Variants in AUTS2 observed in about 807,000 individuals in gnomAD.
AUTS2 encodes activator of transcription and developmental regulator AUTS2, also known as autism susceptibility gene 2 protein.
A neutral mutation model predicts 112.4 loss-of-function variants in AUTS2; 17 were observed. The ratio of observed to expected loss-of-function variants is 0.15; its 90% CI spans 0.10 to 0.23. The LOEUF (loss-of-function observed/expected upper bound fraction) is 0.23. AUTS2 is among the 10% of genes least tolerant of loss of function. The probability of loss-of-function intolerance (pLI) is 1.00; values close to 1 mark genes in which losing one functional copy is unlikely to be tolerated. For synonymous variants in AUTS2, 751 were observed against 702.7 expected (o/e 1.07, Z -1.09); for missense variants, 1,510 against 1,701.6 (o/e 0.89, Z 1.98).
intron 5 of AUTS2, among the ~76,000 whole-genome samples, chr7:70,500,879 C>A (rs529227294): frequency 6.6e-6 from 1 of 152,134 alleles, no homozygotes; most frequent in Non-Finnish European, 1.5e-5. Context: ...TCCGCCACCA[C>A]GCCCAGTTGA....
chr7:69,599,738 G>C lies in AUTS2; in HGVS notation c.85G>C (p.Gly29Arg). ...QRDRERRSRGGLGAGAAGGGG... is the reference protein window; with the variant it reads ...QRDRERRSRGRLGAGAAGGGG... ...AGACCGGGAGAGGCGCTCCCGGGGC[G>C]GGCTGGGGGCCGGCGCGGCCGGCGG... is the stretch of plus-strand genomic sequence containing the variant. Residue 29 changes from glycine (G) to arginine (R), a missense_variant, in exon 1 of 19, where the codon GGG (glycine) becomes CGG (arginine). By Grantham distance (125) the Gly-to-Arg change is moderately radical. Coordinates refer to ENST00000342771, the MANE Select transcript of AUTS2 (RefSeq NM_015570.4). This position sits in a 1 kb window ranked among gnomAD's most constrained non-coding sequence, Gnocchi z 7.0. 1 of 1,331,358 alleles carries C rather than the reference G, an allele frequency of 7.5e-7. No individual in the cohort carries two copies. The highest frequency in any genetic ancestry group is 2.3e-5 in the South Asian group (1 of 42,912). 82.5% of individuals were successfully genotyped at this position (1,331,358 alleles called of 1,614,324 possible).
intron 2 of AUTS2, among the ~76,000 whole-genome samples, chr7:70,046,003 C>G (rs1801488025): frequency 6.6e-6 from 1 of 152,052 alleles, no homozygotes; most frequent in Non-Finnish European, 1.5e-5. Flanking sequence ...TGAGTACACT[C>G]AGTAAAACCT....
intron 2 of AUTS2, among the ~76,000 whole-genome samples, chr7:69,940,677 C>T (rs1468830323): frequency 1.3e-5 from 2 of 152,152 alleles, no homozygotes; most frequent in Non-Finnish European, 1.5e-5. Flanking sequence ...ACGTGTTTCT[C>T]ACTAGTGATG....
chr7:69,917,772 A>G (rs1285057279), intron 2 of AUTS2, among the ~76,000 whole-genome samples: 2 of 152,110 alleles, frequency 1.3e-5, no homozygotes, highest in African/African-American at 4.8e-5. Flanking sequence ...TTGGTTTTAC[A>G]TTCCTGAGTC....
rs1164356683 is a variant in AUTS2 at position 69,872,834 on chromosome 7, CTTTTTTTTTTTTT to C, written c.310-26438_310-26426del. Among the ~76,000 whole-genome samples the C allele has an allele frequency of 1.1e-3, 80 of 70,424 alleles. 3 individuals carry two copies. Among genetic ancestry groups the C allele is most frequent in the African/African-American group, 4.8e-3 (77 of 16,058 alleles). The allele number at this position is 70,424 out of a possible 152,430, so 46.2% of individuals were successfully genotyped here. Reference sequence around the variant, plus strand: ...GGTGGCACTTGATGTAGCCTATATTCTTTTTTTTTTTTTTTTTTTTTTTTTTGAGACAGAGTCT... The same window carrying C: ...GGTGGCACTTGATGTAGCCTATATTCTTTTTTTTTTTTTGAGACAGAGTCT... On this transcript the variant is annotated intron_variant, in intron 1 of 18. Transcript: ENST00000342771.
chr7:70,385,853 T>G (rs1299887518), intron 4 of AUTS2, among the ~76,000 whole-genome samples: 1 of 152,206 alleles, frequency 6.6e-6, no homozygotes, highest in East Asian at 1.9e-4. Context: ...TTATGAGAGA[T>G]ATGGGCTGTA....
At chr7:70,455,462 C>A (rs1211157417) in intron 5 of AUTS2, among the ~76,000 whole-genome samples, 6 of 152,088 alleles carry the variant, frequency 3.9e-5, no homozygotes, top group Non-Finnish European at 8.8e-5. Context: ...ACCTGGCCTG[C>A]AGGGTACAAG....
chr7:69,992,940 C>T (rs1362394521), intron 2 of AUTS2, among the ~76,000 whole-genome samples: 1 of 152,170 alleles, frequency 6.6e-6, no homozygotes, highest in Non-Finnish European at 1.5e-5. Flanking sequence ...GGTTAAAAGA[C>T]AGTATTACCT....
chr7:70,570,620 A>G lies in AUTS2; in HGVS notation c.691-127949A>G, dbSNP rs138086228. On this transcript the variant is annotated intron_variant, in intron 5 of 18. Coordinates refer to ENST00000342771, the MANE Select transcript of AUTS2 (RefSeq NM_015570.4). ...CACTGAACGTTCCTTTAACTTCATG[A>G]CAGCCACCTTCCCCTTTACCCTTCT... Among the ~76,000 whole-genome samples, 845 of 152,194 alleles carry G rather than the reference A, an allele frequency of 5.6e-3. 11 individuals carry two copies. Among genetic ancestry groups the G allele is most frequent in the African/African-American group, 0.019 (807 of 41,534 alleles).
intron 5 of AUTS2, among the ~76,000 whole-genome samples, chr7:70,549,687 A>G (rs907730000): frequency 1.3e-5 from 2 of 152,186 alleles, no homozygotes; most frequent in Non-Finnish European, 2.9e-5. Flanking sequence ...GTAAGATCCT[A>G]TCTCTTAAAA....
At chr7:69,783,184 C>T (rs906378182) in intron 1 of AUTS2, among the ~76,000 whole-genome samples, 1 of 149,984 alleles carries the variant, frequency 6.7e-6, no homozygotes, top group Non-Finnish European at 1.5e-5. Flanking sequence ...GTGGCTGTCT[C>T]CTTTGCTTCT....
intron 4 of AUTS2, among the ~76,000 whole-genome samples, chr7:70,419,029 TA>T (rs368614358): frequency 6.6e-6 from 1 of 152,136 alleles, no homozygotes; most frequent in African/African-American, 2.4e-5. Flanking sequence ...TTTTATTGAT[TA>T]AAAAAAGAAA....
chr7:70,314,165 GTCTC>G, intron 4 of AUTS2, among the ~76,000 whole-genome samples: 1 of 152,190 alleles, frequency 6.6e-6, no homozygotes, highest in African/African-American at 2.4e-5. Flanking sequence ...CGTGCATGTT[GTCTC>G]TCTCTCTTTC....
At chr7:70,328,536 T>C (rs1321752524) in intron 4 of AUTS2, among the ~76,000 whole-genome samples, 1 of 152,186 alleles carries the variant, frequency 6.6e-6, no homozygotes, top group Non-Finnish European at 1.5e-5. Flanking sequence ...GAGTTGTTTT[T>C]TAAGATCACA....
rs148610030 is a variant in AUTS2 at position 70,762,992 on chromosome 7, A to G, written c.865A>G (p.Ile289Val). The G allele has an allele frequency of 1.7e-4, 269 of 1,614,080 alleles. No individual in the cohort carries two copies. In the African/African-American group the frequency reaches 2.8e-3, roughly 17 times the overall value. Reference sequence around the variant, plus strand: ...GAGCCAGGACTGTTGCAAAGAGCCAATCTTTGAGCCTGTGGTGCTTAAAGA... The same window carrying G: ...GAGCCAGGACTGTTGCAAAGAGCCAGTCTTTGAGCCTGTGGTGCTTAAAGA... ...EKSQDCCKEPIFEPVVLKDPC... is the reference protein window; with the variant it reads ...EKSQDCCKEPVFEPVVLKDPC... Residue 289 changes from isoleucine to valine, a missense_variant, in exon 7 of 19, where the codon ATC becomes GTC. By Grantham distance (29) the Ile-to-Val change is conservative. Around this residue, in one of 3 missense-constraint regions of AUTS2, gnomAD observed 535 missense variants for 594.3 expected, o/e 0.90. Coordinates refer to ENST00000342771, the MANE Select transcript of AUTS2 (RefSeq NM_015570.4).
chr7:70,324,291 T>C (rs1003433145), intron 4 of AUTS2, among the ~76,000 whole-genome samples: 1 of 152,212 alleles, frequency 6.6e-6, no homozygotes, highest in Non-Finnish European at 1.5e-5. Flanking sequence ...TGTCAATCAC[T>C]AGTATAAAAA....
At chr7:70,745,042 T>A (rs1053384860) in intron 6 of AUTS2, among the ~76,000 whole-genome samples, 2 of 152,170 alleles carry the variant, frequency 1.3e-5, no homozygotes, top group Non-Finnish European at 2.9e-5. Context: ...AGCAATTTTT[T>A]TTTTTGCAGT....
At chr7:70,649,541 T>TTTATTTAC (rs1357058571) in intron 5 of AUTS2, among the ~76,000 whole-genome samples, 1 of 151,002 alleles carries the variant, frequency 6.6e-6, no homozygotes, top group African/African-American at 2.4e-5. Context: ...TATTTATTTA[T>TTTATTTAC]TTTTTGAGAC....
intron 1 of AUTS2, among the ~76,000 whole-genome samples, chr7:69,721,255 G>T (rs1356162469): frequency 5.3e-5 from 8 of 152,146 alleles, no homozygotes; most frequent in Admixed American, 5.2e-4. Flanking sequence ...AGGCTGTCAC[G>T]TTTACTTTTC....
Sources: allele counts gnomAD v4.1 joint callset (sites outside exome capture counted in the v4.1 genomes callset), GRCh38; gene constraint gnomAD v4.1.1; regional missense constraint gnomAD v4.1.1; non-coding constraint Gnocchi (gnomAD v3.1); transcripts MANE v1.5; gene names NCBI Gene and HGNC (gene_info 2026-07-23, HGNC 2026-07-21).